Variants in NETO1 observed in about 807,000 individuals in gnomAD.
NETO1 encodes the protein neuropilin and tolloid-like protein 1.
In NETO1, 26 loss-of-function variants were observed where a neutral mutation model predicts 61.3. That is an observed-to-expected ratio of 0.42 (90% CI 0.31 to 0.59). The LOEUF (loss-of-function observed/expected upper bound fraction) is 0.59. Ranked by LOEUF, NETO1 falls within the 20% of genes least tolerant of loss-of-function variation. The pLI is 0.12. For missense variants in NETO1, 531 were observed against 662.8 expected (o/e 0.80, Z 2.18); for synonymous variants, 225 against 225.8 (o/e 1.00, Z 0.03).
In NETO1 at chr18:72,783,724, G is replaced by A; in HGVS notation, c.822C>T (p.Gly274=). 6.2e-7 allele frequency: 1 copy of A among 1,614,086 alleles called. No homozygotes were observed. Among genetic ancestry groups the A allele is most frequent in the Non-Finnish European group, 8.5e-7 (1 of 1,180,016 alleles). The change falls in exon 7 of 11, where the codon GGC becomes GGT. Residue 274 remains glycine, a synonymous_variant. Coordinates refer to ENST00000327305, the MANE Select transcript of NETO1 (RefSeq NM_138966.5). ...LGVIRMWADE[G]SRNSRFQMLF... is the part of the protein sequence containing the mutation. ...GCATCTGAAATCGGCTGTTTCGACTGCCCTCATCTGCCCACATGCGGATCA... is the reference window on the plus strand; with the variant it reads ...GCATCTGAAATCGGCTGTTTCGACTACCCTCATCTGCCCACATGCGGATCA...
At chr18:72,767,617 A>G (rs1316909380) in intron 7 of NETO1, among the ~76,000 whole-genome samples, 3 of 152,210 alleles carry the variant, frequency 2.0e-5, no homozygotes, top group African/African-American at 4.8e-5. Context: ...TTAAGTAACC[A>G]TATCAGTAAT....
chr18:72,808,733 A>T (rs2072765270), intron 4 of NETO1, among the ~76,000 whole-genome samples: 1 of 152,190 alleles, frequency 6.6e-6, no homozygotes, highest in Non-Finnish European at 1.5e-5. Context: ...CTCCCAGTGA[A>T]TTTGATGAAT....
intron 4 of NETO1, among the ~76,000 whole-genome samples, chr18:72,801,893 A>T (rs1351684316): frequency 1.3e-5 from 2 of 152,282 alleles, no homozygotes; most frequent in East Asian, 3.9e-4. Context: ...GGGGAGATGA[A>T]AAGACTCACT....
At chr18:72,848,548 C>T (rs1016473342) in intron 4 of NETO1, among the ~76,000 whole-genome samples, 19 of 152,178 alleles carry the variant, frequency 1.2e-4, no homozygotes, top group African/African-American at 4.1e-4. Context: ...GATATTCCTG[C>T]TCAAAATAAG....
At chr18:72,834,660 T>C in intron 4 of NETO1, 3 of 985,026 alleles carry the variant, frequency 3.0e-6, no homozygotes, top group Non-Finnish European at 3.6e-6. Context: ...GTATTTTTAG[T>C]TCTTCAGTCA....
At chr18:72,814,369 C>T (rs150625072) in intron 4 of NETO1, among the ~76,000 whole-genome samples, 2 of 151,470 alleles carry the variant, frequency 1.3e-5, no homozygotes, top group African/African-American at 4.8e-5. Flanking sequence ...TGAGTAACCA[C>T]TAATAGGACA....
intron 7 of NETO1, among the ~76,000 whole-genome samples, chr18:72,757,639 A>G (rs958452540): frequency 6.6e-6 from 1 of 152,146 alleles, no homozygotes; most frequent in East Asian, 1.9e-4. Flanking sequence ...AAAAAGTATC[A>G]CGCTTAACAC....
chr18:72,851,095 T>C (rs2074234368), intron 4 of NETO1, among the ~76,000 whole-genome samples: 1 of 152,088 alleles, frequency 6.6e-6, no homozygotes, highest in South Asian at 2.1e-4. Flanking sequence ...CAAAGAAACC[T>C]GGGTGTTAGG....
intron 7 of NETO1, among the ~76,000 whole-genome samples, chr18:72,781,183 T>G (rs988286905): frequency 6.6e-6 from 1 of 152,168 alleles, no homozygotes; most frequent in Non-Finnish European, 1.5e-5. Flanking sequence ...TTTTTGTTAT[T>G]TATTAAAATC....
chr18:72,867,578 G>A lies in NETO1; in HGVS notation c.-287C>T. 6.4e-6 allele frequency: 2 copies of A among 311,566 alleles called. No individual in the cohort carries two copies. The highest frequency in any genetic ancestry group is 1.2e-5 in the Non-Finnish European group (2 of 170,722). 19.3% of individuals were successfully genotyped at this position (311,566 alleles called of 1,614,324 possible). ...ACCGTGACGCTCGCATCACACCCGG[G>A]CGCCGGCCGCCACCATCCGCGCCGC... is the stretch of plus-strand genomic sequence containing the variant. On this transcript the variant is annotated 5_prime_UTR_variant, in exon 1 of 11. Coordinates refer to ENST00000327305, the MANE Select transcript of NETO1 (RefSeq NM_138966.5).
Position 72,744,627 on chromosome 18 carries a change from C to A in NETO1, c.*3552G>T, listed in dbSNP as rs1018125943. 6.6e-6 allele frequency: 1 copy of A among 152,112 alleles called. No individual in the cohort carries two copies. The highest frequency in any genetic ancestry group is 1.5e-5 in the Non-Finnish European group (1 of 68,020). 9.4% of individuals were successfully genotyped at this position (152,112 alleles called of 1,614,324 possible). A position where few individuals can be genotyped will look rare whatever the true frequency, so the allele number is the denominator to read the frequency against. ...TGCAATTAGACAAAACCCTAACTCA[C>A]TTTTCAAAGCATATTTATTTAGAAT... On this transcript the variant is annotated 3_prime_UTR_variant, in exon 11 of 11. Coordinates refer to ENST00000327305, the MANE Select transcript of NETO1 (RefSeq NM_138966.5).
intron 4 of NETO1, chr18:72,834,418 T>G: frequency 3.1e-6 from 3 of 973,340 alleles, no homozygotes; most frequent in Non-Finnish European, 3.7e-6. Context: ...TAAGAAAATT[T>G]CACTGAAATT....
rs573562461 is a variant in NETO1, at chr18:72,773,455, T to TA, written c.868+10222dup. 1.4e-4 allele frequency among the ~76,000 whole-genome samples: 21 copies of TA among 152,136 alleles called. No homozygotes were observed. The East Asian group carries it at 4.1e-3, about 30-fold the overall frequency. The stretch of plus-strand genomic sequence containing the variant: ...ACTGTCTCAAGAGGAGGGGATTACA[T>TA]AAGCGTTCTACACCAAGAGTTGTGA... On this transcript the variant is annotated intron_variant, in intron 7 of 10. Transcript: ENST00000327305.
chr18:72,865,616 GC>G, intron 1 of NETO1: 1 of 1,600,834 alleles, frequency 6.2e-7, no homozygotes, highest in Non-Finnish European at 8.5e-7. Context: ...GAAGAGAGGG[GC>G]CAGAAGGTAA....
At chr18:72,832,562 C>A (rs969084660) in intron 4 of NETO1, among the ~76,000 whole-genome samples, 1 of 152,164 alleles carries the variant, frequency 6.6e-6, no homozygotes, top group African/African-American at 2.4e-5. Context: ...GCAGATCTTA[C>A]GACTCTGTCT....
In NETO1 at chr18:72,803,821, C is replaced by CA. The variant is rs373041913; in HGVS notation, c.470-9418dup. On this transcript the variant is annotated intron_variant, in intron 4 of 10. Transcript: ENST00000327305. ...GGGCAACAAGAGCGGAACTCCGTAC[C>CA]AAAAAAAAAAAAAAAGATACTCTTT... Among the ~76,000 whole-genome samples the CA allele has an allele frequency of 6.1e-3, 751 of 122,408 alleles. 7 individuals carry two copies. Among genetic ancestry groups the CA allele is most frequent in the East Asian group, 0.046 (199 of 4,306 alleles). The allele number at this position is 122,408 out of a possible 152,430, so 80.3% of individuals were successfully genotyped here. A position where few individuals can be genotyped will look rare whatever the true frequency, so the allele number is the denominator to read the frequency against.
intron 4 of NETO1, among the ~76,000 whole-genome samples, chr18:72,847,917 T>C (rs144709596): frequency 2.0e-5 from 3 of 152,216 alleles, no homozygotes. Context: ...TGTTCCTTAC[T>C]ACAGGCCCTA....
intron 3 of NETO1, among the ~76,000 whole-genome samples, chr18:72,862,622 C>CTTTT (rs11453772): frequency 7.4e-5 from 9 of 122,400 alleles, no homozygotes; most frequent in African/African-American, 9.2e-5. Context: ...CTTTTTTTTT[C>CTTTT]TTTTTTTTTT....
At chr18:72,755,514 A>G (rs2070753951) in intron 8 of NETO1, among the ~76,000 whole-genome samples, 2 of 152,146 alleles carry the variant, frequency 1.3e-5, no homozygotes, top group Non-Finnish European at 2.9e-5. Context: ...GTGTATAGAC[A>G]AGGGAAGGAG....
Sources: allele counts gnomAD v4.1 joint callset (sites outside exome capture counted in the v4.1 genomes callset), GRCh38; gene constraint gnomAD v4.1.1; transcripts MANE v1.5; gene names NCBI Gene and HGNC (gene_info 2026-07-23, HGNC 2026-07-21).